The following SLC25A13 variants were observed in gnomAD, a reference collection of about 807,000 sequenced individuals.
SLC25A13 encodes the protein electrogenic aspartate/glutamate antiporter SLC25A13, mitochondrial.
In SLC25A13, 70 loss-of-function variants were observed where a neutral mutation model predicts 85.5. The ratio of observed to expected loss-of-function variants is 0.82; its 90% CI spans 0.68 to 1.00. The LOEUF is 1.00. Among genes scored for constraint, SLC25A13 ranks in the 50% least tolerant of loss-of-function variants. The pLI is 0.00. For synonymous variants in SLC25A13, 259 were observed against 288.7 expected (o/e 0.90, Z 1.04); for missense variants, 765 against 819.8 (o/e 0.93, Z 0.82).
At chr7:96,139,250 T>C (rs756651731) in intron 14 of SLC25A13, among the ~76,000 whole-genome samples, 3 of 152,198 alleles carry the variant, frequency 2.0e-5, no homozygotes, top group African/African-American at 4.8e-5. Flanking sequence ...TTTTTCAAAC[T>C]AAGTATTGGG....
chr7:96,256,790 T>G (rs1049954181), intron 3 of SLC25A13, among the ~76,000 whole-genome samples: 20 of 152,148 alleles, frequency 1.3e-4, no homozygotes, highest in Admixed American at 2.0e-4. Flanking sequence ...CACATAGCAC[T>G]TATTCTAAAA....
At chr7:96,290,250 T>G (rs1297834783) in intron 2 of SLC25A13, among the ~76,000 whole-genome samples, 1 of 152,166 alleles carries the variant, frequency 6.6e-6, no homozygotes, top group Non-Finnish European at 1.5e-5. Context: ...ACACCAGGCC[T>G]GCCCTAAAAG....
At chr7:96,198,954 A>C (rs903886893) in intron 5 of SLC25A13, among the ~76,000 whole-genome samples, 1 of 152,232 alleles carries the variant, frequency 6.6e-6, no homozygotes, top group African/African-American at 2.4e-5. Flanking sequence ...CACACAAAAG[A>C]AAGCTGAAGG....
chr7:96,276,422 G>C (rs2116936420), intron 3 of SLC25A13, among the ~76,000 whole-genome samples: 1 of 152,264 alleles, frequency 6.6e-6, no homozygotes, highest in South Asian at 2.1e-4. Flanking sequence ...AGGAGTTTGA[G>C]ACCAGCCTGG....
At chr7:96,294,610 G>A (rs907660850) in intron 2 of SLC25A13, among the ~76,000 whole-genome samples, 80 of 135,050 alleles carry the variant, frequency 5.9e-4, no homozygotes, top group African/African-American at 7.4e-4. Flanking sequence ...CTCTGTCTCA[G>A]AAAAAAAAAA....
chr7:96,230,322 G>A (rs1402795062), intron 4 of SLC25A13, among the ~76,000 whole-genome samples: 1 of 152,174 alleles, frequency 6.6e-6, no homozygotes, highest in Non-Finnish European at 1.5e-5. Context: ...ATTGGGATTG[G>A]GGAACAGTGA....
At chr7:96,209,945 T>C (rs1245784511) in intron 4 of SLC25A13, among the ~76,000 whole-genome samples, 1 of 152,146 alleles carries the variant, frequency 6.6e-6, no homozygotes, top group South Asian at 2.1e-4. Context: ...TGATACCTTT[T>C]TTTCTCTTTT....
intron 11 of SLC25A13, among the ~76,000 whole-genome samples, chr7:96,174,079 G>T (rs944002860): frequency 4.6e-5 from 7 of 152,226 alleles, no homozygotes; most frequent in Non-Finnish European, 1.0e-4. Flanking sequence ...AAAAGGAATA[G>T]AGATTAAAAA....
chr7:96,128,949 T>TG (rs1791877965), intron 15 of SLC25A13, among the ~76,000 whole-genome samples: 2 of 144,360 alleles, frequency 1.4e-5, no homozygotes, highest in African/African-American at 5.1e-5. Flanking sequence ...GCTCTCTCTC[T>TG]CTCTCTCTCT....
At chr7:96,317,804 TA>T (rs1460359667) in intron 1 of SLC25A13, among the ~76,000 whole-genome samples, 4 of 94,218 alleles carry the variant, frequency 4.2e-5, no homozygotes, top group African/African-American at 1.3e-4. Flanking sequence ...TATTTTACTT[TA>T]TTTTATTTTT....
intron 2 of SLC25A13, among the ~76,000 whole-genome samples, chr7:96,289,943 C>A (rs1285914848): frequency 2.0e-5 from 3 of 152,070 alleles, no homozygotes; most frequent in Non-Finnish European, 4.4e-5. Context: ...AGAGCAAGTC[C>A]AAGACACATA....
At chr7:96,164,816 T>A (rs991716845) in intron 13 of SLC25A13, among the ~76,000 whole-genome samples, 2 of 152,056 alleles carry the variant, frequency 1.3e-5, no homozygotes, top group Admixed American at 6.6e-5. Context: ...AGGAACACTT[T>A]CACTTTGTAA....
At position 96,280,217 on chromosome 7, in the gene SLC25A13, A is replaced by T. The variant is rs1798618887; in HGVS notation, c.70-2879T>A. 1.3e-5 allele frequency among the ~76,000 whole-genome samples: 2 copies of T among 152,186 alleles called. 1 individual carries two copies. Among genetic ancestry groups the T allele is most frequent in the East Asian group, 3.9e-4 (2 of 5,194 alleles). ...CTCTCATTTTTACTGCTGTGTCCTCAAATTCCCAGACTAGTACCTGGTAGA... is the reference window on the plus strand; with the variant it reads ...CTCTCATTTTTACTGCTGTGTCCTCTAATTCCCAGACTAGTACCTGGTAGA... On this transcript the variant is annotated intron_variant, in intron 2 of 17. Coordinates refer to ENST00000265631, the MANE Select transcript of SLC25A13 (RefSeq NM_014251.3).
At chr7:96,279,186 C>T (rs1798571051) in intron 2 of SLC25A13, among the ~76,000 whole-genome samples, 1 of 152,212 alleles carries the variant, frequency 6.6e-6, no homozygotes, top group Non-Finnish European at 1.5e-5. Context: ...CTCCCACCAA[C>T]AGTGTGTGAA....
chr7:96,311,453 C>T (rs183553497), intron 1 of SLC25A13, among the ~76,000 whole-genome samples: 61 of 152,238 alleles, frequency 4.0e-4, no homozygotes, highest in Non-Finnish European at 7.9e-4. Flanking sequence ...ACCACAAAGA[C>T]GTAATCAGCA....
chr7:96,167,793 G>T (rs1446255080), intron 13 of SLC25A13, among the ~76,000 whole-genome samples: 1 of 152,140 alleles, frequency 6.6e-6, no homozygotes, highest in Non-Finnish European at 1.5e-5. Context: ...AAAGAAAGAT[G>T]CTGCTATTAC....
intron 14 of SLC25A13, among the ~76,000 whole-genome samples, chr7:96,142,285 T>A (rs1197627590): frequency 6.6e-6 from 1 of 152,170 alleles, no homozygotes; most frequent in Admixed American, 6.5e-5. Context: ...CCTCTTTCCC[T>A]TCCTCCTGTT....
intron 3 of SLC25A13, among the ~76,000 whole-genome samples, chr7:96,259,998 G>A (rs1360192199): frequency 7.5e-6 from 1 of 132,644 alleles, no homozygotes; most frequent in African/African-American, 2.9e-5. Context: ...AGTGGTAGTC[G>A]AACAATGAGA....
intron 3 of SLC25A13, among the ~76,000 whole-genome samples, chr7:96,256,750 A>C (rs928357843): frequency 6.6e-6 from 1 of 152,206 alleles, no homozygotes; most frequent in Non-Finnish European, 1.5e-5. Context: ...CTCCACCCCA[A>C]ATCAAAAGAA....
Sources: gnomAD v4.1 joint callset for allele counts (sites outside exome capture counted in the v4.1 genomes callset) on GRCh38, gnomAD v4.1.1 for gene constraint, MANE v1.5 for transcripts, NCBI Gene and HGNC (gene_info 2026-07-23, HGNC 2026-07-21) for gene names.